The following ASIC2 variants were observed in gnomAD, a reference collection of about 807,000 sequenced individuals.
ASIC2 encodes the protein acid-sensing ion channel 2.
In ASIC2, 25 loss-of-function variants were observed where a neutral mutation model predicts 57.3. That is an observed-to-expected ratio of 0.44 (90% CI 0.32 to 0.61). The LOEUF (loss-of-function observed/expected upper bound fraction) is 0.61. Ranked by LOEUF, ASIC2 falls within the 20% of genes least tolerant of loss-of-function variation. The pLI, the probability that ASIC2 is intolerant of heterozygous loss-of-function variation, is 0.06. For missense variants in ASIC2, 641 were observed against 738.1 expected, an observed-to-expected ratio of 0.87 and a Z score of 1.52; for synonymous variants, 319 against 307.5, an observed-to-expected ratio of 1.04 and a Z score of -0.39.
At chr17:33,935,261 ACCTC>A (rs1916034562) in intron 1 of ASIC2, among the ~76,000 whole-genome samples, 1 of 151,910 alleles carries the variant, frequency 6.6e-6, no homozygotes. Flanking sequence ...TTTCTGTATA[ACCTC>A]CCTCGGACAG....
intron 1 of ASIC2, among the ~76,000 whole-genome samples, chr17:33,197,194 A>T (rs1414934875): frequency 1.3e-5 from 2 of 152,142 alleles, no homozygotes; most frequent in Non-Finnish European, 2.9e-5. Flanking sequence ...GCACTGTGAG[A>T]TTCCAGGAAT....
At chr17:33,823,394 G>T (rs1045790272) in intron 1 of ASIC2, among the ~76,000 whole-genome samples, 2 of 152,086 alleles carry the variant, frequency 1.3e-5, no homozygotes, top group African/African-American at 4.8e-5. Context: ...AGATAAGTTT[G>T]GAAGTAGATG....
intron 1 of ASIC2, among the ~76,000 whole-genome samples, chr17:34,053,806 T>C (rs1258631235): frequency 6.6e-6 from 1 of 152,176 alleles, no homozygotes. Context: ...TTGGAAGAAG[T>C]CCATCTTTAA....
chr17:34,141,737 C>T (rs1912278834), intron 1 of ASIC2, among the ~76,000 whole-genome samples: 1 of 152,224 alleles, frequency 6.6e-6, no homozygotes, highest in African/African-American at 2.4e-5. Flanking sequence ...TGAAATACGC[C>T]TCTCTGCAAA....
intron 3 of ASIC2, 59 bp from the exon 4 acceptor site, chr17:33,028,451 T>A: frequency 6.3e-7 from 1 of 1,588,564 alleles, no homozygotes; most frequent in Non-Finnish European, 8.6e-7. Context: ...AACTCATTCA[T>A]TTACTTACTC....
At chr17:33,691,786 A>G (rs1175266048) in intron 1 of ASIC2, among the ~76,000 whole-genome samples, 1 of 152,096 alleles carries the variant, frequency 6.6e-6, no homozygotes, top group Non-Finnish European at 1.5e-5. Context: ...CCACATTAAC[A>G]GATTATATAT....
chr17:33,850,325 A>G (rs1913730225), intron 1 of ASIC2, among the ~76,000 whole-genome samples: 1 of 152,232 alleles, frequency 6.6e-6, no homozygotes, highest in Admixed American at 6.5e-5. Flanking sequence ...AAAGATTGAA[A>G]TGCTATGTCC....
At chr17:33,351,138 T>C (rs1312971461) in intron 1 of ASIC2, among the ~76,000 whole-genome samples, 1 of 152,212 alleles carries the variant, frequency 6.6e-6, no homozygotes, top group East Asian at 1.9e-4. Context: ...TCTTTAAGCC[T>C]CAGTATCTAT....
chr17:33,893,963 A>G (rs940636648), intron 1 of ASIC2, among the ~76,000 whole-genome samples: 1 of 151,924 alleles, frequency 6.6e-6, no homozygotes, highest in Non-Finnish European at 1.5e-5. Flanking sequence ...AGTCAGATAC[A>G]TGGGCTTTTT....
rs550286813 is a variant in ASIC2 at position 33,031,343 on chromosome 17, T to C, written c.988-2951A>G. On this transcript the variant is annotated intron_variant, in intron 3 of 9. Transcript: ENST00000225823. ...TATTCTTATCATTTTTTAATGTCTG[T>C]AGGATTTACAGTTATGTCTTTTCAT... Among the ~76,000 whole-genome samples the C allele has an allele frequency of 3.3e-5, 5 of 152,290 alleles. No homozygotes were observed. In the East Asian group the frequency reaches 9.6e-4, roughly 29 times the overall value.
intron 1 of ASIC2, among the ~76,000 whole-genome samples, chr17:33,940,313 G>T (rs929338648): frequency 6.6e-6 from 1 of 152,078 alleles, no homozygotes; most frequent in African/African-American, 2.4e-5. Flanking sequence ...GTAGAAGCTG[G>T]TTGGCCAGAC....
intron 1 of ASIC2, among the ~76,000 whole-genome samples, chr17:33,472,208 TG>T (rs1913077283): frequency 6.6e-6 from 1 of 151,976 alleles, no homozygotes; most frequent in Non-Finnish European, 1.5e-5. Flanking sequence ...TTAGTAGAGA[TG>T]GGGTTTCATC....
At chr17:33,382,268 C>G (rs1909515233) in intron 1 of ASIC2, among the ~76,000 whole-genome samples, 1 of 152,130 alleles carries the variant, frequency 6.6e-6, no homozygotes, top group Non-Finnish European at 1.5e-5. Flanking sequence ...AAACAGGATG[C>G]AAACAGACAC....
At chr17:33,963,804 A>G (rs1904996549) in intron 1 of ASIC2, among the ~76,000 whole-genome samples, 1 of 152,160 alleles carries the variant, frequency 6.6e-6, no homozygotes, top group Admixed American at 6.5e-5. Context: ...GAGGTGACTG[A>G]CTTTCAGGAA....
intron 1 of ASIC2, among the ~76,000 whole-genome samples, chr17:33,561,803 A>T (rs912327012): frequency 3.3e-5 from 5 of 152,206 alleles, no homozygotes; most frequent in African/African-American, 1.2e-4. Flanking sequence ...GCAATCAATG[A>T]CCAATTTCCC....
At chr17:33,185,919 G>A (rs1203039902) in intron 1 of ASIC2, among the ~76,000 whole-genome samples, 1 of 152,142 alleles carries the variant, frequency 6.6e-6, no homozygotes, top group East Asian at 1.9e-4. Context: ...CATAGGCAAG[G>A]GCTGTCCTGG....
chr17:33,442,805 C>T (rs528231848), intron 1 of ASIC2, among the ~76,000 whole-genome samples: 11 of 152,130 alleles, frequency 7.2e-5, no homozygotes, highest in East Asian at 1.9e-4. Context: ...TTAGAACCTC[C>T]GGTATGATGT....
rs117989200 is a variant in ASIC2, at chr17:33,868,087, G to C, written c.555+287891C>G. On this transcript the variant is annotated intron_variant, in intron 1 of 9. Coordinates refer to the ASIC2 transcript ENST00000359872. ...GCTAGGAACATTTTTTTTTCTCTCT[G>C]AGCATTAGAAATCATAAATGTATAT... Among the ~76,000 whole-genome samples the C allele has an allele frequency of 3.8e-4, 57 of 151,980 alleles. No individual in the cohort carries two copies. The East Asian group carries it at 0.01, about 27-fold the overall frequency.
chr17:34,028,274 C>T (rs980979437), intron 1 of ASIC2, among the ~76,000 whole-genome samples: 12 of 152,134 alleles, frequency 7.9e-5, no homozygotes, highest in African/African-American at 2.9e-4. Flanking sequence ...GTGCTGGACC[C>T]CAGTCCTGCT....
Sources: gnomAD v4.1 joint callset for allele counts (sites outside exome capture counted in the v4.1 genomes callset) on GRCh38, gnomAD v4.1.1 for gene constraint, MANE v1.5 for transcripts, NCBI Gene and HGNC (gene_info 2026-07-23, HGNC 2026-07-21) for gene names.